GRID2: variants seen among roughly 807,000 people sequenced by gnomAD.
GRID2 encodes the protein glutamate receptor ionotropic, delta-2.
A neutral mutation model predicts 114.8 loss-of-function variants in GRID2; 33 were observed. The ratio of observed to expected loss-of-function variants is 0.29; its 90% CI spans 0.22 to 0.38. The LOEUF (loss-of-function observed/expected upper bound fraction) is 0.38. GRID2 is among the 10% of genes least tolerant of loss of function. The pLI is 1.00. For synonymous variants in GRID2, 505 were observed against 449.9 expected, an observed-to-expected ratio of 1.12 and a Z score of -1.55; for missense variants, 1,184 against 1,257.7, an observed-to-expected ratio of 0.94 and a Z score of 0.89.
At chr4:93,038,368 CAAAAG>C (rs1186139098) in intron 2 of GRID2, among the ~76,000 whole-genome samples, 1 of 152,042 alleles carries the variant, frequency 6.6e-6, no homozygotes, top group Non-Finnish European at 1.5e-5. Flanking sequence ...AGACACTTCT[CAAAAG>C]AAGACATTTA....
At chr4:93,444,449 CT>C (rs1220956197) in intron 10 of GRID2, among the ~76,000 whole-genome samples, 1 of 151,882 alleles carries the variant, frequency 6.6e-6, no homozygotes, top group Admixed American at 6.6e-5. Context: ...CACTATTGTG[CT>C]GTCAGAGAAA....
chr4:93,358,269 T>A, intron 8 of GRID2, among the ~76,000 whole-genome samples: 1 of 151,978 alleles, frequency 6.6e-6, no homozygotes, highest in Middle Eastern at 3.7e-3. Context: ...TTTAAAAATA[T>A]TAATTAACAG....
At chr4:93,080,388 A>T (rs1261483812) in intron 2 of GRID2, among the ~76,000 whole-genome samples, 1 of 152,196 alleles carries the variant, frequency 6.6e-6, no homozygotes, top group Non-Finnish European at 1.5e-5. Flanking sequence ...AAAATAATAA[A>T]AAGTCAACAA....
At chr4:93,393,518 A>G (rs1765049406) in intron 8 of GRID2, among the ~76,000 whole-genome samples, 1 of 151,962 alleles carries the variant, frequency 6.6e-6, no homozygotes, top group South Asian at 2.1e-4. Context: ...CCTAGGTTAG[A>G]AGATTAGATA....
intron 2 of GRID2, chr4:92,823,097 TAG>T (rs1191952533): frequency 8.5e-5 from 13 of 152,286 alleles, no homozygotes; most frequent in Non-Finnish European, 7.4e-5. Context: ...TTCACTAATT[TAG>T]AGTCTATGTG....
intron 1 of GRID2, among the ~76,000 whole-genome samples, chr4:92,578,104 C>A (rs62310091): frequency 0.41 from 53,250 of 130,064 alleles, 11,466 homozygotes; most frequent in African/African-American, 0.47. Flanking sequence ...TCTTCTTCTT[C>A]TTCTTCTTCT....
intron 2 of GRID2, among the ~76,000 whole-genome samples, chr4:92,597,072 G>A (rs373779487): frequency 3.3e-5 from 5 of 151,536 alleles, no homozygotes; most frequent in Admixed American, 6.6e-5. Flanking sequence ...TTTTTTTTAC[G>A]ATCATTATAC....
chr4:92,795,901 C>T (rs565280531), intron 2 of GRID2, among the ~76,000 whole-genome samples: 27 of 152,036 alleles, frequency 1.8e-4, no homozygotes, highest in African/African-American at 5.8e-4. Flanking sequence ...AACCCTTCAC[C>T]TCCCTCCTTT....
chr4:92,524,728 A>C (rs1293855136), intron 1 of GRID2, among the ~76,000 whole-genome samples: 2 of 151,970 alleles, frequency 1.3e-5, no homozygotes, highest in Non-Finnish European at 2.9e-5. Context: ...AGGTGACAAC[A>C]GGGGCTCAGA....
chr4:93,158,313 T>A (rs1737364810), intron 4 of GRID2, among the ~76,000 whole-genome samples: 1 of 151,838 alleles, frequency 6.6e-6, no homozygotes, highest in African/African-American at 2.4e-5. Flanking sequence ...TTTACATTTA[T>A]CCTTGATATG....
At chr4:93,718,980 G>C (rs1442090109) in intron 14 of GRID2, among the ~76,000 whole-genome samples, 1 of 152,002 alleles carries the variant, frequency 6.6e-6, no homozygotes, top group Non-Finnish European at 1.5e-5. Context: ...CATAGCTGAT[G>C]ATGGATGATT....
chr4:93,111,596 G>A (rs116219969), intron 4 of GRID2, among the ~76,000 whole-genome samples: 1 of 152,050 alleles, frequency 6.6e-6, no homozygotes. Context: ...TAAAATGCCT[G>A]CTATTGCCTT....
At chr4:92,860,423 A>T (rs1051230208) in intron 2 of GRID2, among the ~76,000 whole-genome samples, 2 of 152,162 alleles carry the variant, frequency 1.3e-5, no homozygotes, top group Non-Finnish European at 2.9e-5. Flanking sequence ...TTGTTAGACT[A>T]TGATTTGTGA....
At chr4:92,343,295 C>T (rs533284630) in intron 1 of GRID2, among the ~76,000 whole-genome samples, 21 of 151,116 alleles carry the variant, frequency 1.4e-4, no homozygotes, top group African/African-American at 4.6e-4. Flanking sequence ...TATACACATG[C>T]TTAGTACTAT....
intron 2 of GRID2, among the ~76,000 whole-genome samples, chr4:92,601,199 T>C (rs1257555636): frequency 6.6e-6 from 1 of 152,164 alleles, no homozygotes; most frequent in Non-Finnish European, 1.5e-5. Flanking sequence ...TAGATATCAA[T>C]AGAACTCTCC....
intron 12 of GRID2, among the ~76,000 whole-genome samples, chr4:93,504,207 C>G (rs1431789780): frequency 1.3e-5 from 2 of 151,906 alleles, no homozygotes; most frequent in African/African-American, 4.8e-5. Context: ...TTATGGATTC[C>G]TCATTTGAAT....
intron 2 of GRID2, among the ~76,000 whole-genome samples, chr4:92,930,262 G>A (rs1324877752): frequency 1.3e-5 from 2 of 151,168 alleles, no homozygotes; most frequent in African/African-American, 2.4e-5. Context: ...GATTTTTCTA[G>A]CATGGAACAT....
rs112069310 is a variant in GRID2, at chr4:93,503,929, A to G, written c.1998-11287A>G. On this transcript the variant is annotated intron_variant, in intron 12 of 15. Transcript: ENST00000282020. ...GGAAAATGTTGAGTTATCAGTAGAA[A>G]CTTGGCCCCCTGTTCCTGTGTTATA... 2.0e-3 allele frequency among the ~76,000 whole-genome samples: 303 copies of G among 152,132 alleles called. 1 individual carries two copies. The highest frequency in any genetic ancestry group is 6.7e-3 in the African/African-American group (280 of 41,530).
intron 4 of GRID2, among the ~76,000 whole-genome samples, chr4:93,142,501 G>A (rs1391531825): frequency 6.6e-6 from 1 of 152,070 alleles, no homozygotes; most frequent in African/African-American, 2.4e-5. Flanking sequence ...ACCAAATAAT[G>A]AGGCATCTAC....
Sources: gnomAD v4.1 joint callset for allele counts (sites outside exome capture counted in the v4.1 genomes callset) on GRCh38, gnomAD v4.1.1 for gene constraint, MANE v1.5 for transcripts, NCBI Gene and HGNC (gene_info 2026-07-23, HGNC 2026-07-21) for gene names.